The following LRRC43 variants were observed in gnomAD, a reference collection of about 807,000 sequenced individuals.
LRRC43 encodes leucine rich repeat containing 43, also known as leucine-rich repeat-containing protein 43.
LRRC43 carries 62 observed loss-of-function variants against 64.3 expected under a neutral mutation model. That is an observed-to-expected ratio of 0.96 (90% CI 0.79 to 1.19). The LOEUF is 1.19. Among genes scored for constraint, LRRC43 ranks in the 50% most tolerant of loss-of-function variants. LRRC43 has a pLI of 0.00. For synonymous variants in LRRC43, 422 were observed against 382.3 expected, an observed-to-expected ratio of 1.10 and a Z score of -1.21; for missense variants, 868 against 845.0, an observed-to-expected ratio of 1.03 and a Z score of -0.34.
intron 7 of LRRC43, among the ~76,000 whole-genome samples, chr12:122,199,758 A>G (rs1467922999): frequency 6.6e-6 from 1 of 151,796 alleles, no homozygotes; most frequent in Non-Finnish European, 1.5e-5. Context: ...TAATGTTTGT[A>G]TTTTTTGTAG....
Position 122,184,609 on chromosome 12 carries a change from G to A in LRRC43, c.241G>A (p.Val81Met). 6.2e-7 allele frequency: 1 copy of A among 1,613,972 alleles called. No individual in the cohort carries two copies. Among genetic ancestry groups the A allele is most frequent in the Admixed American group, 1.7e-5 (1 of 60,022 alleles). The change falls in exon 2 of 12, where the codon GTG becomes ATG. Residue 81 changes from valine to methionine, a missense_variant. Coordinates refer to ENST00000339777, the MANE Select transcript of LRRC43 (RefSeq NM_001098519.2). This position sits in a 1 kb window ranked among gnomAD's most constrained non-coding sequence, Gnocchi z 4.0. The part of the protein sequence containing the change: ...EDVVSPGEET[V>M]EALLGLVRSR... ...TGTGGTGAGCCCCGGAGAGGAGACG[G>A]TGGAGGCCCTGCTGGGCCTGGTCCG...
rs1178602417 is a variant in LRRC43 at position 122,193,140 on chromosome 12, G to A, written c.1349+136G>A. On this transcript the variant is annotated intron_variant, in intron 7 of 11. Transcript: ENST00000339777. ...TCACGTCTGTAATCCCGGCACTTTG[G>A]GAGGCAGAGGCGGGCGGATCACGAG... 8.3e-6 allele frequency: 7 copies of A among 843,646 alleles called. No homozygotes were observed. In the Admixed American group the frequency reaches 1.1e-4, roughly 13 times the overall value. 52.3% of individuals were successfully genotyped at this position (843,646 alleles called of 1,614,324 possible).
rs768770730 is a variant in LRRC43 at position 122,184,527 on chromosome 12, G to A, written c.159G>A (p.Ser53=). ...FPCGAGSWNK[S]RFLPQTWRTW... Reference sequence around the variant, plus strand: ...CTCCTCTGCCACTGCAGAATAAGTCGCGCTTTCTTCCTCAAACTTGGCGAA... The same window carrying A: ...CTCCTCTGCCACTGCAGAATAAGTCACGCTTTCTTCCTCAAACTTGGCGAA... The change falls in exon 2 of 12, where the codon TCG becomes TCA. Residue 53 remains serine (S), a synonymous_variant. Transcript: ENST00000339777. This position sits in a 1 kb window ranked among gnomAD's most constrained non-coding sequence, Gnocchi z 4.0. The A allele has an allele frequency of 1.3e-5, 21 of 1,613,062 alleles. No individual in the cohort carries two copies. Among genetic ancestry groups the A allele is most frequent in the African/African-American group, 5.3e-5 (4 of 74,880 alleles).
intron 1 of LRRC43, among the ~76,000 whole-genome samples, chr12:122,171,163 G>T (rs60814951): frequency 1.3e-5 from 2 of 152,164 alleles, no homozygotes; most frequent in African/African-American, 4.8e-5. Flanking sequence ...GCTGCATGCC[G>T]CGCCTGGCAT....
chr12:122,196,152 A>G (rs1015751676), intron 7 of LRRC43, among the ~76,000 whole-genome samples: 4 of 152,210 alleles, frequency 2.6e-5, no homozygotes, highest in Non-Finnish European at 5.9e-5. Context: ...GATAATGTTA[A>G]TATTGTGTCA....
chr12:122,172,600 C>G lies in LRRC43; in HGVS notation c.-406+4818C>G. ...AGGTGCTCTATGATCTCATCAATAA[C>G]AGATTTGTTGTCTAGCTGTCTGATT... On this transcript the variant is annotated intron_variant, in intron 1 of 5. Coordinates refer to the LRRC43 transcript ENST00000537729. The G allele has an allele frequency of 3.7e-6, 6 of 1,614,006 alleles. No homozygotes were observed. In the East Asian group the frequency reaches 8.9e-5, roughly 24 times the overall value.
At position 122,187,799 on chromosome 12, in the gene LRRC43, T is replaced by G; in HGVS notation, c.621T>G (p.Leu207=). ...ACTTGGGGTTAGGCCACAACAAACTTCTAGGCCCCTTGGAAAGTCTCTACG... is the reference window on the plus strand; with the variant it reads ...ACTTGGGGTTAGGCCACAACAAACTGCTAGGCCCCTTGGAAAGTCTCTACG... The part of the protein sequence containing the change: ...LQHLGLGHNK[L]LGPLESLYVT... Residue 207 remains leucine (L), a synonymous_variant, in exon 4 of 12, where the codon CTT becomes CTG. Coordinates refer to ENST00000339777, the MANE Select transcript of LRRC43 (RefSeq NM_001098519.2). The G allele has an allele frequency of 6.2e-7, 1 of 1,614,150 alleles. No individual in the cohort carries two copies. The highest frequency in any genetic ancestry group is 1.1e-5 in the South Asian group (1 of 91,080).
At chr12:122,181,109 TCAGGAGGCTGAGGTGGG>T (rs1312986148), upstream of LRRC43, among the ~76,000 whole-genome samples, 3 of 151,676 alleles carry the variant, frequency 2.0e-5, no homozygotes, top group African/African-American at 7.3e-5. Flanking sequence ...TCCCAGCCAC[TCAGGAGGCTGAGGTGGG>T]AGGACCGCTT....
chr12:122,187,940 TG>T lies in LRRC43; in HGVS notation c.662+101del. Reference sequence around the variant, plus strand: ...TTGAGAACTCAGCTTTGGTCTTTTTTGTAACTCCCAGTTGGCTGCTAAATCC... The same window carrying T: ...TTGAGAACTCAGCTTTGGTCTTTTTTTAACTCCCAGTTGGCTGCTAAATCC... On this transcript the variant is annotated intron_variant, in intron 4 of 11. Coordinates refer to ENST00000339777, the MANE Select transcript of LRRC43 (RefSeq NM_001098519.2). 8 of 1,225,662 alleles carry T rather than the reference TG, an allele frequency of 6.5e-6. 1 individual carries two copies. The highest frequency in any genetic ancestry group is 1.9e-4 in the Middle Eastern group (1 of 5,178). The allele number at this position is 1,225,662 out of a possible 1,614,324, so 75.9% of individuals were successfully genotyped here.
At chr12:122,192,347 A>G (rs1426164175) in intron 6 of LRRC43, among the ~76,000 whole-genome samples, 1 of 151,804 alleles carries the variant, frequency 6.6e-6, no homozygotes, top group African/African-American at 2.4e-5. Context: ...CATGTTAGCC[A>G]GGATGGCCTG....
At chr12:122,194,132 A>T (rs1249853288) in intron 7 of LRRC43, among the ~76,000 whole-genome samples, 2 of 152,088 alleles carry the variant, frequency 1.3e-5, no homozygotes, top group Non-Finnish European at 2.9e-5. Flanking sequence ...TATGTTACAG[A>T]CCCAACAATA....
At chr12:122,180,903 G>A (rs1019460603), upstream of LRRC43, among the ~76,000 whole-genome samples, 4 of 152,110 alleles carry the variant, frequency 2.6e-5, no homozygotes, top group African/African-American at 9.7e-5. Flanking sequence ...ATATCACTAT[G>A]GACTCATAGA....
chr12:122,190,411 C>T, intron 5 of LRRC43, 43 bp downstream of exon 5: 1 of 1,499,604 alleles, frequency 6.7e-7, no homozygotes, highest in Non-Finnish European at 9.2e-7. Flanking sequence ...ATGTGACACC[C>T]CAGCCTGCGC....
At chr12:122,189,007 C>T (rs568943929) in intron 4 of LRRC43, among the ~76,000 whole-genome samples, 99 of 152,286 alleles carry the variant, frequency 6.5e-4, no homozygotes, top group Non-Finnish European at 4.6e-4. Flanking sequence ...TAGCGCCAGC[C>T]GCTCCATCGC....
At chr12:122,172,294 T>C (rs529276003) in intron 1 of LRRC43, 8 of 744,492 alleles carry the variant, frequency 1.1e-5, no homozygotes, top group African/African-American at 8.8e-5. Flanking sequence ...GAGGGGTCCC[T>C]GAGATTATTC....
chr12:122,192,968 G>A lies in LRRC43; in HGVS notation c.1313G>A (p.Arg438Lys). The A allele has an allele frequency of 6.2e-7, 1 of 1,614,066 alleles. No individual in the cohort carries two copies. Among genetic ancestry groups the A allele is most frequent in the Non-Finnish European group, 8.5e-7 (1 of 1,180,012 alleles). Reference sequence around the variant, plus strand: ...TCTGCAGAAGAGCTGGCCAAGTTGAGGCTGCGTATAGATCCCCGGCTCTGC... The same window carrying A: ...TCTGCAGAAGAGCTGGCCAAGTTGAAGCTGCGTATAGATCCCCGGCTCTGC... ...RASAEELAKL[R>K]LRIDPRLCPS... is the part of the protein sequence containing the mutation. The change falls in exon 7 of 12, where the codon AGG becomes AAG. Residue 438 changes from arginine (R) to lysine (K), a missense_variant. Arg to Lys is a conservative substitution (Grantham distance 26). Transcript: ENST00000339777.
chr12:122,202,354 G>A lies in LRRC43; in HGVS notation c.1844-961G>A, dbSNP rs531260074. On this transcript the variant is annotated intron_variant, in intron 11 of 11. Coordinates refer to ENST00000339777, the MANE Select transcript of LRRC43 (RefSeq NM_001098519.2). ...CCTCAGGCCCATAATTGGAAAAGAGGGAGTATTTTAATAGACCTTAAAATA... is the reference window on the plus strand; with the variant it reads ...CCTCAGGCCCATAATTGGAAAAGAGAGAGTATTTTAATAGACCTTAAAATA... The A allele has an allele frequency of 5.9e-5, 9 of 152,024 alleles. No individual in the cohort carries two copies. The South Asian group carries it at 1.5e-3, about 25-fold the overall frequency. 9.4% of individuals were successfully genotyped at this position (152,024 alleles called of 1,614,324 possible).
At chr12:122,194,531 A>G (rs1593152213) in intron 7 of LRRC43, among the ~76,000 whole-genome samples, 1 of 150,268 alleles carries the variant, frequency 6.7e-6, no homozygotes, top group Non-Finnish European at 1.5e-5. Flanking sequence ...GCACCATTCC[A>G]CTCCACCCTG....
chr12:122,175,964 G>A (rs1205479641), intron 1 of LRRC43, among the ~76,000 whole-genome samples: 1 of 152,136 alleles, frequency 6.6e-6, no homozygotes, highest in East Asian at 1.9e-4. Flanking sequence ...ACTGCACCCG[G>A]CCTCCTTATT....
Sources: allele counts gnomAD v4.1 joint callset (sites outside exome capture counted in the v4.1 genomes callset), GRCh38; gene constraint gnomAD v4.1.1; non-coding constraint Gnocchi (gnomAD v3.1); transcripts MANE v1.5; gene names NCBI Gene and HGNC (gene_info 2026-07-23, HGNC 2026-07-21).